NELL2: variants seen among roughly 807,000 people sequenced by gnomAD.
NELL2 encodes neural EGFL like 2, also known as protein kinase C-binding protein NELL2.
Under a neutral mutation model 109.6 loss-of-function variants are expected in NELL2, and 41 were observed. That is an observed-to-expected ratio of 0.37 (90% CI 0.29 to 0.49). The LOEUF is 0.49. NELL2 is among the 20% of genes least tolerant of loss of function. The pLI is 0.98. For missense variants in NELL2, 900 were observed against 1,008.3 expected, an observed-to-expected ratio of 0.89 and a Z score of 1.45; for synonymous variants, 355 against 344.7, an observed-to-expected ratio of 1.03 and a Z score of -0.33.
At chr12:44,861,067 A>T (rs1037138808) in intron 2 of NELL2, among the ~76,000 whole-genome samples, 1 of 152,148 alleles carries the variant, frequency 6.6e-6, no homozygotes, top group African/African-American at 2.4e-5. Flanking sequence ...ACAATATACC[A>T]TCACAAAAGC....
intron 19 of NELL2, among the ~76,000 whole-genome samples, chr12:44,510,362 C>A (rs1160229464): frequency 6.6e-6 from 1 of 152,170 alleles, no homozygotes; most frequent in African/African-American, 2.4e-5. Flanking sequence ...CAAAATCACA[C>A]AGCTAGTAAA....
intron 2 of NELL2, among the ~76,000 whole-genome samples, chr12:44,865,826 T>TAAA (rs71435994): frequency 0.085 from 12,117 of 142,454 alleles, 691 homozygotes; most frequent in East Asian, 0.19. Flanking sequence ...AAAAAAAAAT[T>TAAA]AAAAAAAAAA....
chr12:44,644,584 ATATATATATATATATATATGTATG>A (rs1452250821), intron 13 of NELL2, among the ~76,000 whole-genome samples: 2 of 90,092 alleles, frequency 2.2e-5, no homozygotes, highest in East Asian at 3.4e-4. Context: ...AGTAAAGTAT[ATATATATATATATATATATGTATG>A]TATATATATA....
At chr12:44,630,629 T>C (rs1946419150) in intron 13 of NELL2, among the ~76,000 whole-genome samples, 2 of 152,138 alleles carry the variant, frequency 1.3e-5, no homozygotes, top group African/African-American at 4.8e-5. Flanking sequence ...CTGGGAATTA[T>C]CCTTTAAGAA....
chr12:44,643,885 C>T (rs928414615), intron 13 of NELL2, among the ~76,000 whole-genome samples: 5 of 152,078 alleles, frequency 3.3e-5, no homozygotes, highest in African/African-American at 4.8e-5. Flanking sequence ...GTACTTTCAA[C>T]AAATACTTAA....
chr12:44,814,547 T>C (rs1943276557), intron 3 of NELL2, among the ~76,000 whole-genome samples: 1 of 152,058 alleles, frequency 6.6e-6, no homozygotes, highest in African/African-American at 2.4e-5. Flanking sequence ...AATAGCCCAG[T>C]GAACCCTTGA....
chr12:44,793,379 A>T (rs1443716145), intron 3 of NELL2, among the ~76,000 whole-genome samples: 2 of 152,202 alleles, frequency 1.3e-5, no homozygotes, highest in African/African-American at 4.8e-5. Flanking sequence ...ATAATAATAA[A>T]GTGTATTTGC....
intron 2 of NELL2, among the ~76,000 whole-genome samples, chr12:44,860,560 T>G (rs1241857730): frequency 1.3e-5 from 2 of 152,168 alleles, no homozygotes; most frequent in Non-Finnish European, 2.9e-5. Context: ...ATTTCTTGAC[T>G]CATGGCCACC....
intron 2 of NELL2, among the ~76,000 whole-genome samples, chr12:44,839,624 T>A (rs1165616898): frequency 6.6e-6 from 1 of 152,208 alleles, no homozygotes; most frequent in Non-Finnish European, 1.5e-5. Flanking sequence ...AATTCCAATA[T>A]TTTTTGTCTT....
At chr12:44,572,422 T>G (rs905275935) in intron 15 of NELL2, among the ~76,000 whole-genome samples, 16 of 152,304 alleles carry the variant, frequency 1.1e-4, no homozygotes, top group African/African-American at 3.8e-4. Context: ...AGCACTGGGA[T>G]TACAATGTGA....
In NELL2 at chr12:44,646,998, G is replaced by A. The variant is rs185708343; in HGVS notation, c.1444+18486C>T. On this transcript the variant is annotated intron_variant, in intron 13 of 19. Coordinates refer to ENST00000429094, the MANE Select transcript of NELL2 (RefSeq NM_001145108.2). ...ATTAAATAAAAAATGCATATAAAGC[G>A]TTGTAAGCATTATGTCCAGCACATA... Among the ~76,000 whole-genome samples, 367 of 152,240 alleles carry A rather than the reference G, an allele frequency of 2.4e-3. 3 individuals are homozygous for A. The highest frequency in any genetic ancestry group is 8.0e-3 in the African/African-American group (331 of 41,526).
chr12:44,800,777 T>C (rs984206108), intron 3 of NELL2, among the ~76,000 whole-genome samples: 77 of 152,310 alleles, frequency 5.1e-4, no homozygotes, highest in Non-Finnish European at 9.6e-4. Context: ...AGGTAACATA[T>C]TCTGAAACTA....
intron 15 of NELL2, among the ~76,000 whole-genome samples, chr12:44,564,467 C>G (rs1217158608): frequency 1.3e-5 from 2 of 152,130 alleles, no homozygotes; most frequent in East Asian, 3.9e-4. Flanking sequence ...GAAAGTGTAG[C>G]ATTTGACTAT....
intron 3 of NELL2, among the ~76,000 whole-genome samples, chr12:44,798,012 T>TA (rs200051723): frequency 0.017 from 1,118 of 67,016 alleles, 323 homozygotes; most frequent in Admixed American, 0.024. Context: ...AATGATGGAA[T>TA]AAAAGCATTC....
intron 2 of NELL2, among the ~76,000 whole-genome samples, chr12:44,825,285 C>A (rs1186367064): frequency 6.6e-6 from 1 of 151,578 alleles, no homozygotes; most frequent in Non-Finnish European, 1.5e-5. Flanking sequence ...CAATTTCTTT[C>A]ATCAGTGTTT....
At chr12:44,878,525 A>G (rs1411209464), upstream of NELL2, among the ~76,000 whole-genome samples, 1 of 152,166 alleles carries the variant, frequency 6.6e-6, no homozygotes. Flanking sequence ...GTAGGATGTT[A>G]GTTGAATTCT....
intron 13 of NELL2, among the ~76,000 whole-genome samples, chr12:44,638,702 T>G (rs1037651001): frequency 5.3e-5 from 8 of 152,288 alleles, no homozygotes; most frequent in Non-Finnish European, 8.8e-5. Flanking sequence ...CCTGGTTAAA[T>G]GTTTATTGAT....
intron 9 of NELL2, among the ~76,000 whole-genome samples, chr12:44,767,596 T>C (rs1374079879): frequency 1.3e-5 from 2 of 152,318 alleles, no homozygotes; most frequent in East Asian, 3.9e-4. Context: ...ATATTATTTC[T>C]CATAACAAAT....
chr12:44,694,281 C>T (rs1315620426), intron 12 of NELL2, among the ~76,000 whole-genome samples: 1 of 152,104 alleles, frequency 6.6e-6, no homozygotes, highest in Non-Finnish European at 1.5e-5. Context: ...AGGGAAATTT[C>T]ATCTGCCTGA....
Sources: gnomAD v4.1 joint callset for allele counts (sites outside exome capture counted in the v4.1 genomes callset) on GRCh38, gnomAD v4.1.1 for gene constraint, MANE v1.5 for transcripts, NCBI Gene and HGNC (gene_info 2026-07-23, HGNC 2026-07-21) for gene names.